Variants in CACNB2 observed in about 807,000 individuals in gnomAD.
CACNB2 encodes calcium voltage-gated channel auxiliary subunit beta 2.
In CACNB2, 42 loss-of-function variants were observed where a neutral mutation model predicts 73.3. That is an observed-to-expected ratio of 0.57 (90% CI 0.45 to 0.74). The LOEUF (loss-of-function observed/expected upper bound fraction) is 0.74. CACNB2 is among the 30% of genes least tolerant of loss of function. The pLI is 0.00. For missense variants in CACNB2, 940 were observed against 853.0 expected, an observed-to-expected ratio of 1.10 and a Z score of -1.27; for synonymous variants, 348 against 310.3, an observed-to-expected ratio of 1.12 and a Z score of -1.28.
intron 2 of CACNB2, among the ~76,000 whole-genome samples, chr10:18,246,529 C>G (rs1564373694): frequency 6.6e-6 from 1 of 152,112 alleles, no homozygotes; most frequent in Non-Finnish European, 1.5e-5. Context: ...TGCATTATCT[C>G]AGAAGCCTAA....
At chr10:18,167,301 G>C (rs1283843721) in intron 2 of CACNB2, among the ~76,000 whole-genome samples, 1 of 152,248 alleles carries the variant, frequency 6.6e-6, no homozygotes, top group East Asian at 1.9e-4. Context: ...GCCTCCAAAA[G>C]GGGGAAGGGT....
chr10:18,462,245 G>A (rs1392205140), intron 3 of CACNB2, among the ~76,000 whole-genome samples: 2 of 152,134 alleles, frequency 1.3e-5, no homozygotes, highest in Non-Finnish European at 2.9e-5. Context: ...CAGCAAATAG[G>A]AGCGCTGGTT....
In CACNB2 at chr10:18,501,086, T is replaced by C. The variant is rs2050169173; in HGVS notation, c.593+138T>C. 6 of 892,898 alleles carry C rather than the reference T, an allele frequency of 6.7e-6. No individual in the cohort carries two copies. In the East Asian group the frequency reaches 1.6e-4, roughly 24 times the overall value. The allele number at this position is 892,898 out of a possible 1,614,324, so 55.3% of individuals were successfully genotyped here. ...TATGGTTTATTGATAGCATCACAAA[T>C]CTTGCATTTTCCTGCATTTAAAAAA... On this transcript the variant is annotated intron_variant, in intron 5 of 13. Coordinates refer to ENST00000324631, the MANE Select transcript of CACNB2 (RefSeq NM_201596.3).
chr10:18,311,878 C>T (rs1265775449), intron 2 of CACNB2, among the ~76,000 whole-genome samples: 1 of 152,142 alleles, frequency 6.6e-6, no homozygotes, highest in African/African-American at 2.4e-5. Context: ...CCTACAGTCA[C>T]CTGACTTAGG....
chr10:18,539,613 GCGCAGC>G lies in CACNB2; in HGVS notation c.1875_1880del (p.Ser626_Arg627del). 6.2e-7 allele frequency: 1 copy of G among 1,613,812 alleles called. No individual in the cohort carries two copies. The highest frequency in any genetic ancestry group is 8.5e-7 in the Non-Finnish European group (1 of 1,179,874). On this transcript the variant is annotated inframe_deletion, in exon 14 of 14. Transcript: ENST00000324631. ...AGGACCACAACGAGTGCAACAAGCA[GCGCAGC>G]CGTCATAAATCCAAGGATCGCTACT...
chr10:18,493,103 A>G (rs984577504), intron 3 of CACNB2, among the ~76,000 whole-genome samples: 138 of 152,356 alleles, frequency 9.1e-4, no homozygotes, highest in African/African-American at 3.2e-3. Context: ...ACCTTGTATT[A>G]GGTATTATAA....
intron 2 of CACNB2, among the ~76,000 whole-genome samples, chr10:18,331,278 C>T (rs1022564790): frequency 1.3e-5 from 2 of 151,890 alleles, no homozygotes; most frequent in Non-Finnish European, 2.9e-5. Context: ...GCCACCGTGC[C>T]TGGCCATAAA....
At chr10:18,211,875 T>C (rs2035331147) in intron 2 of CACNB2, among the ~76,000 whole-genome samples, 1 of 147,150 alleles carries the variant, frequency 6.8e-6, no homozygotes, top group African/African-American at 2.5e-5. Flanking sequence ...TTTTTTTTTT[T>C]CTCCCCATTA....
At chr10:18,218,768 C>G (rs1403105191) in intron 2 of CACNB2, among the ~76,000 whole-genome samples, 1 of 152,076 alleles carries the variant, frequency 6.6e-6, no homozygotes, top group Non-Finnish European at 1.5e-5. Flanking sequence ...ACTTGGGAGG[C>G]TGAGGCAGGA....
At chr10:18,182,091 A>T (rs968362267) in intron 2 of CACNB2, 2 of 152,278 alleles carry the variant, frequency 1.3e-5, no homozygotes, top group Non-Finnish European at 2.9e-5. Context: ...TTCCTGGGTC[A>T]CTGGCAGAAA....
intron 12 of CACNB2, among the ~76,000 whole-genome samples, chr10:18,537,181 C>T (rs2133314863): frequency 6.6e-6 from 1 of 151,712 alleles, no homozygotes; most frequent in South Asian, 2.1e-4. Context: ...AGAGACGGGG[C>T]TTTGCCATGT....
chr10:18,481,252 T>A, intron 3 of CACNB2, among the ~76,000 whole-genome samples: 2 of 95,676 alleles, frequency 2.1e-5, no homozygotes, highest in Admixed American at 2.2e-4. Flanking sequence ...TTTTTTTTTT[T>A]TTTTTTTTTT....
rs369426925 is a variant in CACNB2, at chr10:18,539,204, G to T, written c.1489-26G>T. 6 of 1,613,624 alleles carry T rather than the reference G, an allele frequency of 3.7e-6. No homozygotes were observed. The Admixed American group carries it at 5.0e-5, about 13-fold the overall frequency. On this transcript the variant is annotated intron_variant, in intron 13 of 13. Transcript: ENST00000324631. ...TCTTTACACACTGACCTTGGTTAAC[G>T]CCTGGTGTGCTCCTTTCGCTGCCAG...
intron 3 of CACNB2, among the ~76,000 whole-genome samples, chr10:18,484,052 G>A (rs553408568): frequency 2.6e-5 from 4 of 152,312 alleles, no homozygotes; most frequent in African/African-American, 9.6e-5. Flanking sequence ...TAGCAAGATT[G>A]CCTTATATCA....
chr10:18,339,128 G>C (rs1425745926), intron 2 of CACNB2, among the ~76,000 whole-genome samples: 1 of 152,012 alleles, frequency 6.6e-6, no homozygotes, highest in Non-Finnish European at 1.5e-5. Context: ...GGGTATCCCT[G>C]GGTATGTACT....
chr10:18,316,368 A>C (rs117719032), intron 2 of CACNB2, among the ~76,000 whole-genome samples: 158 of 152,248 alleles, frequency 1.0e-3, no homozygotes, highest in Non-Finnish European at 1.8e-3. Flanking sequence ...CTGATAAATC[A>C]AAGGAAAGTT....
intron 9 of CACNB2, among the ~76,000 whole-genome samples, chr10:18,521,073 A>T (rs1040156055): frequency 2.0e-5 from 3 of 152,218 alleles, no homozygotes; most frequent in African/African-American, 7.2e-5. Flanking sequence ...ATTTTGAATG[A>T]ACGTCTGCTG....
At chr10:18,370,458 C>T (rs777464743) in intron 2 of CACNB2, among the ~76,000 whole-genome samples, 19 of 152,116 alleles carry the variant, frequency 1.2e-4, no homozygotes, top group Non-Finnish European at 2.4e-4. Flanking sequence ...CCACCATGCC[C>T]GGCTAATTGT....
chr10:18,411,343 A>G (rs1442939622), intron 3 of CACNB2, among the ~76,000 whole-genome samples: 1 of 152,166 alleles, frequency 6.6e-6, no homozygotes, highest in Non-Finnish European at 1.5e-5. Flanking sequence ...CTGGGTAGGT[A>G]ACAATCACAC....
Sources: allele counts gnomAD v4.1 joint callset (sites outside exome capture counted in the v4.1 genomes callset), GRCh38; gene constraint gnomAD v4.1.1; transcripts MANE v1.5; gene names NCBI Gene and HGNC (gene_info 2026-07-23, HGNC 2026-07-21).